The following CDH4 variants were observed in gnomAD, a reference collection of about 807,000 sequenced individuals.
CDH4 encodes cadherin 4, also known as cadherin-4.
CDH4 carries 33 observed loss-of-function variants against 86.0 expected under a neutral mutation model. The observed-to-expected ratio is 0.38, with a 90% CI of 0.29 to 0.51. The LOEUF is 0.51. CDH4 is among the 20% of genes least tolerant of loss of function. CDH4 has a pLI of 0.86. For synonymous variants in CDH4, 555 were observed against 549.4 expected, an observed-to-expected ratio of 1.01 and a Z score of -0.14; for missense variants, 1,114 against 1,307.4, an observed-to-expected ratio of 0.85 and a Z score of 2.28.
At chr20:61,629,611 G>C (rs1257271531) in intron 2 of CDH4, among the ~76,000 whole-genome samples, 1 of 152,204 alleles carries the variant, frequency 6.6e-6, no homozygotes, top group Non-Finnish European at 1.5e-5. Flanking sequence ...TCCAGTGACA[G>C]GGAAACCTGT....
At chr20:61,867,274 G>A (rs1983590313) in intron 6 of CDH4, among the ~76,000 whole-genome samples, 1 of 152,236 alleles carries the variant, frequency 6.6e-6, no homozygotes, top group African/African-American at 2.4e-5. Flanking sequence ...GATAGGCCAG[G>A]CACGGTAGCT....
At chr20:61,369,027 T>C (rs983077048) in intron 2 of CDH4, among the ~76,000 whole-genome samples, 14 of 152,168 alleles carry the variant, frequency 9.2e-5, no homozygotes, top group Non-Finnish European at 1.8e-4. Context: ...GTGAGCAACA[T>C]TCTGTAGTTC....
chr20:61,748,332 C>T (rs567896364), intron 3 of CDH4, among the ~76,000 whole-genome samples: 50 of 152,234 alleles, frequency 3.3e-4, no homozygotes, highest in African/African-American at 1.1e-3. Context: ...GGGGTTTCAC[C>T]GTGTTGGCCA....
chr20:61,307,487 C>G (rs1466313745), intron 2 of CDH4, among the ~76,000 whole-genome samples: 1 of 152,262 alleles, frequency 6.6e-6, no homozygotes, highest in Non-Finnish European at 1.5e-5. Context: ...CATTCGCATA[C>G]TAGGTCTCTG....
intron 2 of CDH4, among the ~76,000 whole-genome samples, chr20:61,722,627 G>GC (rs1248666887): frequency 3.2e-4 from 47 of 147,852 alleles, no homozygotes; most frequent in Middle Eastern, 3.6e-3. Context: ...AGGGCAGGGC[G>GC]CCCCCCCACC....
At position 61,392,459 on chromosome 20, in the gene CDH4, A is replaced by G. The variant is rs2084992005; in HGVS notation, c.169+137522A>G. Reference sequence around the variant, plus strand: ...CTGAGTTCCTTGAATATTAAAATTAACCTTTTTTAATAACAGAAATGATAT... The same window carrying G: ...CTGAGTTCCTTGAATATTAAAATTAGCCTTTTTTAATAACAGAAATGATAT... On this transcript the variant is annotated intron_variant, in intron 2 of 15. Transcript: ENST00000614565. The surrounding 1 kb of genome is among the most constrained non-coding windows in gnomAD (Gnocchi z 5.7). 6.6e-6 allele frequency among the ~76,000 whole-genome samples: 1 copy of G among 152,064 alleles called. No individual in the cohort carries two copies. The highest frequency in any genetic ancestry group is 2.1e-4 in the South Asian group (1 of 4,804).
At chr20:61,769,841 G>C (rs2088753346) in intron 3 of CDH4, among the ~76,000 whole-genome samples, 1 of 152,166 alleles carries the variant, frequency 6.6e-6, no homozygotes, top group Non-Finnish European at 1.5e-5. Context: ...GATTAATCTG[G>C]TCTTTCTCAT....
chr20:61,724,996 C>A (rs1216234772), intron 2 of CDH4, among the ~76,000 whole-genome samples: 1 of 152,018 alleles, frequency 6.6e-6, no homozygotes. Flanking sequence ...TCCGTGGTCC[C>A]GGCTACATAG....
At chr20:61,263,951 C>G (rs966972999) in intron 2 of CDH4, among the ~76,000 whole-genome samples, 3 of 152,134 alleles carry the variant, frequency 2.0e-5, no homozygotes, top group African/African-American at 7.2e-5. Context: ...TCTCTACATC[C>G]TTCTCTTCCA....
At chr20:61,292,841 G>A (rs1469490933) in intron 2 of CDH4, among the ~76,000 whole-genome samples, 2 of 152,264 alleles carry the variant, frequency 1.3e-5, no homozygotes, top group East Asian at 3.8e-4. Flanking sequence ...TGAGTCCCAG[G>A]AAACTGGCCC....
At chr20:61,416,661 C>T (rs2085148699) in intron 2 of CDH4, among the ~76,000 whole-genome samples, 1 of 152,278 alleles carries the variant, frequency 6.6e-6, no homozygotes, top group Non-Finnish European at 1.5e-5. Flanking sequence ...CTTTTGAAAT[C>T]GGTGTGCATT....
At chr20:61,645,877 A>G (rs2087056297) in intron 2 of CDH4, among the ~76,000 whole-genome samples, 1 of 152,116 alleles carries the variant, frequency 6.6e-6, no homozygotes, top group South Asian at 2.1e-4. Flanking sequence ...CTGACCCCAG[A>G]GTTAGTCCTG....
chr20:61,875,435 T>C (rs78475725), intron 7 of CDH4, among the ~76,000 whole-genome samples: 1,797 of 152,230 alleles, frequency 0.012, 30 homozygotes, highest in African/African-American at 0.038. Flanking sequence ...CAGAGGACGT[T>C]GTCAGCCCCA....
chr20:61,297,382 T>TC (rs1345352489), intron 2 of CDH4, among the ~76,000 whole-genome samples: 1 of 151,856 alleles, frequency 6.6e-6, no homozygotes, highest in African/African-American at 2.4e-5. Context: ...AGAGCGAAAC[T>TC]CCATCTCAAA....
At chr20:61,402,719 A>G (rs2085056262) in intron 2 of CDH4, among the ~76,000 whole-genome samples, 1 of 152,182 alleles carries the variant, frequency 6.6e-6, no homozygotes, top group African/African-American at 2.4e-5. Flanking sequence ...CATATTTTCA[A>G]TCAGCAGTCG....
rs1238304290 is a variant in CDH4 at position 61,935,438 on chromosome 20, T to C, written c.2544+1218T>C. ...CGTAAAGATCCCCAAACGTTTGCCC[T>C]GCCCAGTCTATAATTAATTTAGAGC... is the stretch of plus-strand genomic sequence containing the variant. On this transcript the variant is annotated intron_variant, in intron 15 of 15. Transcript: ENST00000614565. Among the ~76,000 whole-genome samples the C allele has an allele frequency of 2.0e-5, 3 of 151,754 alleles. No homozygotes were observed. In the East Asian group the frequency reaches 5.8e-4, roughly 29 times the overall value.
intron 2 of CDH4, among the ~76,000 whole-genome samples, chr20:61,560,958 C>G (rs1255694663): frequency 6.6e-6 from 1 of 152,216 alleles, no homozygotes; most frequent in Non-Finnish European, 1.5e-5. Flanking sequence ...CGTTTATACC[C>G]AGATGAGCAG....
intron 2 of CDH4, among the ~76,000 whole-genome samples, chr20:61,315,134 G>C (rs1029781291): frequency 2.0e-5 from 3 of 152,272 alleles, no homozygotes; most frequent in East Asian, 3.9e-4. Flanking sequence ...CAGGTGCATA[G>C]GGGCTCAAGG....
At chr20:61,835,386 A>T (rs879593060) in intron 4 of CDH4, among the ~76,000 whole-genome samples, 1 of 152,246 alleles carries the variant, frequency 6.6e-6, no homozygotes, top group Non-Finnish European at 1.5e-5. Flanking sequence ...AATAAAAAAA[A>T]TAGCTGGCCA....
Sources: gnomAD v4.1 joint callset for allele counts (sites outside exome capture counted in the v4.1 genomes callset) on GRCh38, gnomAD v4.1.1 for gene constraint, Gnocchi (gnomAD v3.1) non-coding constraint, MANE v1.5 for transcripts, NCBI Gene and HGNC (gene_info 2026-07-23, HGNC 2026-07-21) for gene names.